EPC2: variants seen among roughly 807,000 people sequenced by gnomAD.
The protein encoded by EPC2 is enhancer of polycomb homolog 2.
EPC2 carries 14 observed loss-of-function variants against 92.1 expected under a neutral mutation model. The observed-to-expected ratio is 0.15, with a 90% CI of 0.10 to 0.24. The LOEUF (loss-of-function observed/expected upper bound fraction) is 0.24, where lower values mean the gene tolerates loss of function less well. Ranked by LOEUF, EPC2 falls within the 10% of genes least tolerant of loss-of-function variation. EPC2 has a pLI of 1.00. For missense variants in EPC2, 755 were observed against 971.5 expected (o/e 0.78, Z 2.96); for synonymous variants, 340 against 334.7 (o/e 1.02, Z -0.17).
chr2:148,657,370 G>T (rs1055735040), intron 1 of EPC2, among the ~76,000 whole-genome samples: 3 of 152,018 alleles, frequency 2.0e-5, no homozygotes, highest in African/African-American at 7.2e-5. Flanking sequence ...ATTCATCAAG[G>T]CTTTCAAAAT....
intron 1 of EPC2, among the ~76,000 whole-genome samples, chr2:148,647,619 CTTTT>C (rs55731814): frequency 1.3e-3 from 85 of 63,742 alleles, no homozygotes; most frequent in East Asian, 9.2e-3. Context: ...GCCTTGCAGA[CTTTT>C]TTTTTTTTTT....
intron 2 of EPC2, among the ~76,000 whole-genome samples, chr2:148,735,670 G>A (rs1164490332): frequency 6.6e-6 from 1 of 151,660 alleles, no homozygotes; most frequent in African/African-American, 2.4e-5. Flanking sequence ...TGCTCTGGGG[G>A]TATTAAAGCA....
intron 2 of EPC2, among the ~76,000 whole-genome samples, chr2:148,723,258 A>G (rs114343559): frequency 0.025 from 3,837 of 152,334 alleles, 57 homozygotes; most frequent in East Asian, 0.032. Context: ...ATGCTCTGGC[A>G]CATTTCAAAA....
intron 1 of EPC2, among the ~76,000 whole-genome samples, chr2:148,685,909 G>A (rs1191081646): frequency 6.6e-6 from 1 of 152,300 alleles, no homozygotes; most frequent in African/African-American, 2.4e-5. Flanking sequence ...ACGGTCATCT[G>A]AGCTTTCGGT....
rs34219179 is a variant in EPC2 at position 148,733,479 on chromosome 2, A to ATTTTTTTTTTTTTT, written c.314-10120_314-10107dup. 1.1e-4 allele frequency among the ~76,000 whole-genome samples: 3 copies of ATTTTTTTTTTTTTT among 26,648 alleles called. 1 individual carries two copies. Among genetic ancestry groups the ATTTTTTTTTTTTTT allele is most frequent in the African/African-American group, 3.9e-4 (3 of 7,692 alleles). 17.5% of individuals were successfully genotyped at this position (26,648 alleles called of 152,430 possible). On this transcript the variant is annotated intron_variant, in intron 2 of 13. Coordinates refer to ENST00000258484, the MANE Select transcript of EPC2 (RefSeq NM_015630.4). ...CTTTCTCTTTTCTTTCTCTCTCTGG[A>ATTTTTTTTTTTTTT]TTTTTTTTTTTTTTTTTTTTTTTTT...
At chr2:148,722,316 C>T (rs529417448) in intron 2 of EPC2, among the ~76,000 whole-genome samples, 19 of 152,236 alleles carry the variant, frequency 1.2e-4, no homozygotes, top group African/African-American at 4.6e-4. Flanking sequence ...TTCTCTTCTC[C>T]TGCATGGAAG....
chr2:148,657,693 A>T lies in EPC2; in HGVS notation c.153+12523A>T, dbSNP rs554939982. ...CACTTAAAAGCTTTATCCTAGATCT[A>T]CCAACCAAATCACAAGTTAGGGGTG... On this transcript the variant is annotated intron_variant, in intron 1 of 13. Coordinates refer to ENST00000258484, the MANE Select transcript of EPC2 (RefSeq NM_015630.4). Among the ~76,000 whole-genome samples, 8 of 152,124 alleles carry T rather than the reference A, an allele frequency of 5.3e-5. No homozygotes were observed. The East Asian group carries it at 1.5e-3, about 29-fold the overall frequency.
intron 2 of EPC2, among the ~76,000 whole-genome samples, chr2:148,737,599 C>T (rs1682786856): frequency 6.6e-6 from 1 of 152,062 alleles, no homozygotes; most frequent in Admixed American, 6.6e-5. Flanking sequence ...CACAGGCTCT[C>T]TGAAGCAACG....
At chr2:148,778,438 T>G (rs1012512065) in intron 10 of EPC2, among the ~76,000 whole-genome samples, 3 of 152,182 alleles carry the variant, frequency 2.0e-5, no homozygotes, top group African/African-American at 7.2e-5. Context: ...TCCAAAGCAA[T>G]GTAAGAAATC....
In EPC2 at chr2:148,769,163, G is replaced by C; in HGVS notation, c.1153G>C (p.Val385Leu). 1.9e-6 allele frequency: 3 copies of C among 1,612,140 alleles called. No homozygotes were observed. The highest frequency in any genetic ancestry group is 1.1e-5 in the South Asian group (1 of 90,548). ...CTCTTTTGTCTAGGTATTGTCCCCA[G>C]TATCAGAACCGGAAGAAGAAAATGA... ...EDEFPQVLSP[V>L]SEPEEENDPD... Residue 385 changes from valine to leucine, a missense_variant, in exon 8 of 14, where the codon GTA (valine) becomes CTA (leucine). Physicochemically the swap from Val to Leu is conservative, Grantham distance 32 (BLOSUM62 1). Coordinates refer to ENST00000258484, the MANE Select transcript of EPC2 (RefSeq NM_015630.4).
intron 4 of EPC2, among the ~76,000 whole-genome samples, chr2:148,759,018 A>G (rs1173048283): frequency 6.6e-6 from 1 of 152,250 alleles, no homozygotes; most frequent in Non-Finnish European, 1.5e-5. Context: ...ATTACAGAAG[A>G]TTAAAGAAAC....
chr2:148,776,727 C>G (rs932923658), intron 10 of EPC2, among the ~76,000 whole-genome samples: 1 of 152,112 alleles, frequency 6.6e-6, no homozygotes, highest in African/African-American at 2.4e-5. Flanking sequence ...TATACCAAAA[C>G]TCTTGTAACA....
intron 1 of EPC2, among the ~76,000 whole-genome samples, chr2:148,664,897 G>A (rs548036240): frequency 1.3e-5 from 2 of 152,106 alleles, no homozygotes; most frequent in Admixed American, 6.5e-5. Context: ...AGTGATTTTT[G>A]GCTTCGATCT....
chr2:148,656,456 G>A (rs1680801059), intron 1 of EPC2, among the ~76,000 whole-genome samples: 1 of 152,116 alleles, frequency 6.6e-6, no homozygotes, highest in African/African-American at 2.4e-5. Flanking sequence ...ACCTCAAGTA[G>A]TAACTTGAGT....
intron 1 of EPC2, among the ~76,000 whole-genome samples, chr2:148,646,639 A>G (rs892733200): frequency 6.6e-6 from 1 of 150,614 alleles, no homozygotes; most frequent in East Asian, 1.9e-4. Context: ...TCAGTTTTCC[A>G]TGGGAAGGAA....
At chr2:148,704,431 A>G (rs1283102041) in intron 2 of EPC2, among the ~76,000 whole-genome samples, 1 of 152,162 alleles carries the variant, frequency 6.6e-6, no homozygotes, top group Non-Finnish European at 1.5e-5. Flanking sequence ...CATTAGGGAG[A>G]CAGATAGTGG....
chr2:148,704,281 A>T (rs1385567002), intron 2 of EPC2, among the ~76,000 whole-genome samples: 1 of 152,218 alleles, frequency 6.6e-6, no homozygotes, highest in Non-Finnish European at 1.5e-5. Flanking sequence ...CAAGTGAAAT[A>T]AGTCATTATC....
chr2:148,663,158 G>A (rs1028050081), intron 1 of EPC2, among the ~76,000 whole-genome samples: 2 of 149,840 alleles, frequency 1.3e-5, no homozygotes, highest in African/African-American at 4.9e-5. Flanking sequence ...GTTGATACAT[G>A]GGACAGATGC....
intron 2 of EPC2, among the ~76,000 whole-genome samples, chr2:148,708,744 C>G (rs1263634728): frequency 1.3e-5 from 2 of 152,198 alleles, no homozygotes; most frequent in East Asian, 3.9e-4. Context: ...ACACAAAAAC[C>G]ACGTGATTAT....
Sources: allele counts gnomAD v4.1 joint callset (sites outside exome capture counted in the v4.1 genomes callset), GRCh38; gene constraint gnomAD v4.1.1; transcripts MANE v1.5; gene names NCBI Gene and HGNC (gene_info 2026-07-23, HGNC 2026-07-21).